HPS1: variants seen among roughly 807,000 people sequenced by gnomAD.
HPS1 encodes BLOC-3 complex member HPS1.
A neutral mutation model predicts 90.6 loss-of-function variants in HPS1; 59 were observed. That is an observed-to-expected ratio of 0.65 (90% CI 0.53 to 0.81). The LOEUF is 0.81. Among genes scored for constraint, HPS1 ranks in the 30% least tolerant of loss-of-function variants. The pLI, the probability that HPS1 is intolerant of heterozygous loss-of-function variation, is 0.00. For missense variants in HPS1, 849 were observed against 896.7 expected, an observed-to-expected ratio of 0.95 and a Z score of 0.68; for synonymous variants, 388 against 384.4, an observed-to-expected ratio of 1.01 and a Z score of -0.11.
Position 98,428,891 on chromosome 10 carries a change from G to A in HPS1, c.937+682C>T, listed in dbSNP as rs531265384. Among the ~76,000 whole-genome samples, 185 of 151,808 alleles carry A rather than the reference G, an allele frequency of 1.2e-3. 3 individuals carry two copies. The highest frequency in any genetic ancestry group is 3.5e-4 in the Non-Finnish European group (24 of 67,938). ...GAGTCTTGCTCTGTCGCCCAGGCTG[G>A]AGTGCAGTGGCATGATCTTGGCTCA... On this transcript the variant is annotated intron_variant, in intron 10 of 19. Coordinates refer to ENST00000361490, the MANE Select transcript of HPS1 (RefSeq NM_000195.5).
At chr10:98,438,912 G>T (rs1446720961) in intron 3 of HPS1, among the ~76,000 whole-genome samples, 10 of 152,212 alleles carry the variant, frequency 6.6e-5, no homozygotes, top group Admixed American at 3.9e-4. Context: ...GGGCCTTGCT[G>T]CTTTGTGCAC....
rs1356632601 is a variant in HPS1, at chr10:98,435,502, C to T, written c.256-88G>A. ...CTCTGCAGACAAGCCAGGGGAGGCT[C>T]GGGTCCCAGGCGGGTTTGATAAGAT... On this transcript the variant is annotated intron_variant, in intron 4 of 19. Transcript: ENST00000361490. The surrounding 1 kb of genome is among the most constrained non-coding windows in gnomAD (Gnocchi z 4.3). 2.5e-5 allele frequency: 41 copies of T among 1,610,130 alleles called. No homozygotes were observed. The highest frequency in any genetic ancestry group is 8.8e-5 in the South Asian group (8 of 90,894).
chr10:98,443,245 C>T lies in HPS1; in HGVS notation c.1-5G>A, dbSNP rs930123049. On this transcript the variant is annotated splice_polypyrimidine_tract_variant and splice_region_variant and intron_variant, in intron 2 of 19. Transcript: ENST00000361490. ...GGCCACCAAGACGCACTTCATCTGC[C>T]AGGGAAAGGCAAGGTCAAGGTCAGC... 5.0e-6 allele frequency: 8 copies of T among 1,609,582 alleles called. No individual in the cohort carries two copies. The highest frequency in any genetic ancestry group is 6.8e-6 in the Non-Finnish European group (8 of 1,176,018).
intron 14 of HPS1, 33 bp downstream of exon 14, chr10:98,424,280 G>C: frequency 6.4e-7 from 1 of 1,561,866 alleles, no homozygotes; most frequent in East Asian, 2.2e-5. Context: ...CTGGGCACAC[G>C]ACCCACCCCT....
At chr10:98,419,250 G>A (rs987637895) in intron 18 of HPS1, among the ~76,000 whole-genome samples, 2 of 152,194 alleles carry the variant, frequency 1.3e-5, no homozygotes, top group African/African-American at 4.8e-5. Context: ...AGGAGTGCAG[G>A]GACCCAGAGA....
intron 18 of HPS1, 89 bp from the exon 19 acceptor site, chr10:98,418,346 T>C: frequency 1.5e-6 from 1 of 664,774 alleles, no homozygotes; most frequent in Admixed American, 2.5e-5. Flanking sequence ...GGCTTGGCTC[T>C]GTCATGTGCG....
At chr10:98,424,623 C>T (rs1845352436) in intron 13 of HPS1, among the ~76,000 whole-genome samples, 1 of 152,118 alleles carries the variant, frequency 6.6e-6, no homozygotes, top group African/African-American at 2.4e-5. Context: ...CGGGCACAGG[C>T]ACACATAGTA....
rs1206448995 is a variant in HPS1, at chr10:98,424,333, A to C, written c.1377T>G (p.Ser459Arg). The C allele has an allele frequency of 1.9e-6, 3 of 1,612,840 alleles. No homozygotes were observed. In the Admixed American group the frequency reaches 5.0e-5, roughly 27 times the overall value. The change falls in exon 14 of 20, where the codon AGT becomes AGG. Residue 459 changes from serine to arginine, a missense_variant. Ser to Arg is a moderately radical substitution (Grantham distance 110). Coordinates refer to ENST00000361490, the MANE Select transcript of HPS1 (RefSeq NM_000195.5). ...LEFKAKAFSK[S>R]EPGSSWELLQ... ...CTCACTCCCAGGAGGATCCGGGCTCACTTTTGGAGAAAGCCTTGGCCTTAA... is the reference window on the plus strand; with the variant it reads ...CTCACTCCCAGGAGGATCCGGGCTCCCTTTTGGAGAAAGCCTTGGCCTTAA...
Position 98,417,038 on chromosome 10 carries a change from C to G in HPS1, c.*526G>C, listed in dbSNP as rs1340540128. The G allele has an allele frequency of 6.5e-6, 1 of 153,180 alleles. No individual in the cohort carries two copies. Among genetic ancestry groups the G allele is most frequent in the Non-Finnish European group, 1.5e-5 (1 of 68,706 alleles). 9.5% of individuals were successfully genotyped at this position (153,180 alleles called of 1,614,324 possible). A position where few individuals can be genotyped will look rare whatever the true frequency, so the allele number is the denominator to read the frequency against. On this transcript the variant is annotated 3_prime_UTR_variant, in exon 20 of 20. Transcript: ENST00000361490. This position sits in a 1 kb window ranked among gnomAD's most constrained non-coding sequence, Gnocchi z 4.2. ...TGTTGGGCTTCAGTGATAACAATGA[C>G]CAACATTTATTGAGCACCTACCACA... is the stretch of plus-strand genomic sequence containing the variant.
At chr10:98,425,242 C>G (rs987085773) in intron 13 of HPS1, among the ~76,000 whole-genome samples, 5 of 152,266 alleles carry the variant, frequency 3.3e-5, no homozygotes, top group African/African-American at 1.2e-4. Context: ...CTCCACTGCT[C>G]ATGAGCTGCA....
rs140926851 is a variant in HPS1, at chr10:98,430,443, ACC to A, written c.768+126_768+127del. The A allele has an allele frequency of 2.6e-3, 1,960 of 752,518 alleles. 28 individuals are homozygous for A. The highest frequency in any genetic ancestry group is 0.026 in the African/African-American group (1,489 of 57,964). 46.6% of individuals were successfully genotyped at this position (752,518 alleles called of 1,614,324 possible). A position where few individuals can be genotyped will look rare whatever the true frequency, so the allele number is the denominator to read the frequency against. ...AGCAGTGGGAAAGAAGTCACGCCCA[ACC>A]ACACACCCAGAATTGTGACTTAGAA... On this transcript the variant is annotated intron_variant, in intron 8 of 19. Coordinates refer to ENST00000361490, the MANE Select transcript of HPS1 (RefSeq NM_000195.5).
Position 98,443,150 on chromosome 10 carries a change from C to T in HPS1, c.91G>A (p.Gly31Arg), listed in dbSNP as rs755102499. 9 of 1,613,710 alleles carry T rather than the reference C, an allele frequency of 5.6e-6. No individual in the cohort carries two copies. Among genetic ancestry groups the T allele is most frequent in the South Asian group, 2.2e-5 (2 of 91,058 alleles). Residue 31 changes from glycine (G) to arginine (R), a missense_variant, in exon 3 of 20, where the codon GGG becomes AGG. Transcript: ENST00000361490. The part of the protein sequence containing the change: ...EFEESLRLKF[G>R]QSENEEEELP... ...TCTTCTTCCTCATTCTCTGACTGCC[C>T]GAACTTCAGCCGGAGACTCTCTTCA... is the stretch of plus-strand genomic sequence containing the variant.
chr10:98,441,758 A>G (rs1662773659), intron 3 of HPS1, among the ~76,000 whole-genome samples: 1 of 152,264 alleles, frequency 6.6e-6, no homozygotes, highest in African/African-American at 2.4e-5. Flanking sequence ...TTAGTCATTA[A>G]GGAAATGAAA....
intron 10 of HPS1, among the ~76,000 whole-genome samples, chr10:98,428,927 C>T (rs1422649314): frequency 5.3e-5 from 8 of 151,822 alleles, no homozygotes; most frequent in Non-Finnish European, 1.2e-4. Context: ...CTGCAACCTC[C>T]ACCTCCCGGG....
At chr10:98,425,248 C>T (rs1009489155) in intron 13 of HPS1, among the ~76,000 whole-genome samples, 5 of 152,372 alleles carry the variant, frequency 3.3e-5, no homozygotes, top group African/African-American at 1.2e-4. Flanking sequence ...TGCTCATGAG[C>T]TGCATAATCT....
chr10:98,428,715 T>TTA (rs1554890703), intron 10 of HPS1, among the ~76,000 whole-genome samples: 6,145 of 150,418 alleles, frequency 0.041, 318 homozygotes, highest in African/African-American at 0.11. Flanking sequence ...TTTTTTTTTT[T>TTA]ACCTAAGAAC....
At chr10:98,426,835 T>G (rs547424615) in intron 11 of HPS1, among the ~76,000 whole-genome samples, 1 of 152,214 alleles carries the variant, frequency 6.6e-6, no homozygotes, top group African/African-American at 2.4e-5. Context: ...AATCTCATTT[T>G]GAGGACGGGA....
chr10:98,436,375 T>C (rs1315554212), intron 3 of HPS1, among the ~76,000 whole-genome samples: 2 of 152,082 alleles, frequency 1.3e-5, no homozygotes, highest in Non-Finnish European at 2.9e-5. Context: ...TAGCTAAAAA[T>C]AAAACAAGAA....
intron 8 of HPS1, 119 bp from the exon 9 acceptor site, chr10:98,430,008 G>T: frequency 1.2e-6 from 1 of 843,174 alleles, no homozygotes. Flanking sequence ...CCCGTTCCGG[G>T]TGCAGTCCTG....
Sources: allele counts gnomAD v4.1 joint callset (sites outside exome capture counted in the v4.1 genomes callset), GRCh38; gene constraint gnomAD v4.1.1; non-coding constraint Gnocchi (gnomAD v3.1); transcripts MANE v1.5; gene names NCBI Gene and HGNC (gene_info 2026-07-23, HGNC 2026-07-21).